The following IMPG1 variants were observed in gnomAD, a reference collection of about 807,000 sequenced individuals.
IMPG1 encodes interphotoreceptor matrix proteoglycan of 150 kDa.
A neutral mutation model predicts 92.0 loss-of-function variants in IMPG1; 85 were observed. The ratio of observed to expected loss-of-function variants is 0.92; its 90% CI spans 0.78 to 1.11. The LOEUF is 1.11. Ranked by LOEUF, IMPG1 falls within the 50% of genes least tolerant of loss-of-function variation. The probability of loss-of-function intolerance (pLI) is 0.00; values close to 1 mark genes in which losing one functional copy is unlikely to be tolerated. For synonymous variants in IMPG1, 367 were observed against 334.1 expected (o/e 1.10, Z -1.08); for missense variants, 1,022 against 956.0 (o/e 1.07, Z -0.91).
At chr6:76,040,138 G>A (rs564383957) in intron 2 of IMPG1, among the ~76,000 whole-genome samples, 5 of 152,240 alleles carry the variant, frequency 3.3e-5, no homozygotes, top group Non-Finnish European at 7.4e-5. Flanking sequence ...TTACCTAGGG[G>A]CAGCCATAAA....
At chr6:75,939,398 T>C (rs1216608192) in intron 14 of IMPG1, among the ~76,000 whole-genome samples, 2 of 151,864 alleles carry the variant, frequency 1.3e-5, no homozygotes, top group African/African-American at 4.8e-5. Flanking sequence ...CCCCTTCCTG[T>C]GTCCATGTGT....
chr6:75,969,151 G>A (rs1782360242), intron 12 of IMPG1, among the ~76,000 whole-genome samples: 1 of 152,150 alleles, frequency 6.6e-6, no homozygotes, highest in Admixed American at 6.6e-5. Flanking sequence ...AGGGGCCAGG[G>A]GGAGGGGCTG....
At chr6:76,038,466 A>G (rs1355679687) in intron 2 of IMPG1, among the ~76,000 whole-genome samples, 1 of 152,076 alleles carries the variant, frequency 6.6e-6, no homozygotes, top group Non-Finnish European at 1.5e-5. Context: ...CTCACAAGCC[A>G]GGAGGCATAG....
intron 12 of IMPG1, among the ~76,000 whole-genome samples, chr6:76,000,720 CA>C (rs1412597278): frequency 6.6e-6 from 1 of 152,114 alleles, no homozygotes; most frequent in Non-Finnish European, 1.5e-5. Context: ...CTAAATTGAT[CA>C]ATTAGGAAGT....
At chr6:76,015,904 G>C (rs1402418505) in intron 7 of IMPG1, among the ~76,000 whole-genome samples, 6 of 151,848 alleles carry the variant, frequency 4.0e-5, no homozygotes, top group African/African-American at 1.5e-4. Flanking sequence ...GGGAAAAATA[G>C]GAGGCATGAC....
intron 12 of IMPG1, among the ~76,000 whole-genome samples, chr6:75,972,358 T>A (rs1261524505): frequency 6.6e-6 from 1 of 152,152 alleles, no homozygotes; most frequent in South Asian, 2.1e-4. Flanking sequence ...CTGAGCTTTA[T>A]CAGAAAATAG....
chr6:76,008,213 C>T (rs1255736423), intron 8 of IMPG1, among the ~76,000 whole-genome samples: 1 of 152,196 alleles, frequency 6.6e-6, no homozygotes, highest in African/African-American at 2.4e-5. Flanking sequence ...GGGTTGAAAT[C>T]CTGGCCTTCC....
chr6:75,950,681 T>TG lies in IMPG1; in HGVS notation c.1704dup (p.Lys569GlnfsTer15). 1 of 1,613,876 alleles carries TG rather than the reference T, an allele frequency of 6.2e-7. No individual in the cohort carries two copies. Among genetic ancestry groups the TG allele is most frequent in the Non-Finnish European group, 8.5e-7 (1 of 1,179,862 alleles). ...AAGAACACTACCAGCTCTCGGCCCTTGGGGGCAATGGTCATAGAACTAGTG... is the reference window on the plus strand; with the variant it reads ...AAGAACACTACCAGCTCTCGGCCCTTGGGGGGCAATGGTCATAGAACTAGTG... On this transcript the variant is annotated frameshift_variant, in exon 13 of 17. Transcript: ENST00000369950. LOFTEE classifies it high-confidence loss of function.
At chr6:75,987,297 C>T (rs902028261) in intron 12 of IMPG1, among the ~76,000 whole-genome samples, 2 of 136,450 alleles carry the variant, frequency 1.5e-5, no homozygotes, top group Non-Finnish European at 3.2e-5. Context: ...GTCTGACACA[C>T]AGTCTTTTTT....
At chr6:76,070,486 A>C (rs777396971) in intron 1 of IMPG1, among the ~76,000 whole-genome samples, 1 of 152,168 alleles carries the variant, frequency 6.6e-6, no homozygotes, top group Non-Finnish European at 1.5e-5. Flanking sequence ...AAGGAAAATA[A>C]ATCATTATAT....
rs139220960 is a variant in IMPG1 at position 75,982,397 on chromosome 6, C to T, written c.1291+20521G>A. On this transcript the variant is annotated intron_variant, in intron 12 of 16. Transcript: ENST00000369950. The stretch of plus-strand genomic sequence containing the variant: ...CTCTACTAAAAGTGCAAAAATTAGC[C>T]AGGCATGGTGGCACATGTCTGTAAT... Among the ~76,000 whole-genome samples, 909 of 151,956 alleles carry T rather than the reference C, an allele frequency of 6.0e-3. 9 individuals are homozygous for T. The Middle Eastern group carries it at 0.085, about 14-fold the overall frequency.
At chr6:76,020,453 C>G (rs894373464) in intron 6 of IMPG1, among the ~76,000 whole-genome samples, 2 of 152,164 alleles carry the variant, frequency 1.3e-5, no homozygotes, top group Non-Finnish European at 2.9e-5. Context: ...GGTCTAATCT[C>G]TGATTTATCT....
At chr6:76,052,236 A>G (rs1013068260) in intron 1 of IMPG1, among the ~76,000 whole-genome samples, 4 of 152,176 alleles carry the variant, frequency 2.6e-5, no homozygotes, top group Non-Finnish European at 5.9e-5. Context: ...TAGCAGGGCC[A>G]TGTTTTCAAC....
intron 1 of IMPG1, among the ~76,000 whole-genome samples, chr6:76,063,323 G>T (rs1248402455): frequency 6.6e-6 from 1 of 152,200 alleles, no homozygotes; most frequent in African/African-American, 2.4e-5. Flanking sequence ...CAAGAGGAAA[G>T]TGCTGGAGCC....
rs571943015 is a variant in IMPG1 at position 76,023,858 on chromosome 6, C to A, written c.562+1336G>T. On this transcript the variant is annotated intron_variant, in intron 5 of 16. Transcript: ENST00000369950. The stretch of plus-strand genomic sequence containing the variant: ...AGTTTCTATCAGCTAAAGTACATTA[C>A]CTTCAAGTTTAAAGTAGAAATACAA... Among the ~76,000 whole-genome samples, 224 of 152,206 alleles carry A rather than the reference C, an allele frequency of 1.5e-3. 1 individual carries two copies. The highest frequency in any genetic ancestry group is 5.2e-3 in the African/African-American group (215 of 41,548).
chr6:75,983,778 A>C (rs184446569), intron 12 of IMPG1, among the ~76,000 whole-genome samples: 2 of 152,346 alleles, frequency 1.3e-5, no homozygotes, highest in Admixed American at 1.3e-4. Flanking sequence ...CAGAGTGAAG[A>C]TAAACCTAAG....
intron 5 of IMPG1, 67 bp downstream of exon 5, chr6:76,025,127 T>C (rs1295449477): frequency 1.1e-6 from 1 of 902,162 alleles, no homozygotes; most frequent in Non-Finnish European, 1.8e-6. Context: ...AATTGTTTTA[T>C]AAATAACATG....
At chr6:76,059,194 G>A (rs987993900) in intron 1 of IMPG1, among the ~76,000 whole-genome samples, 3 of 152,024 alleles carry the variant, frequency 2.0e-5, no homozygotes, top group South Asian at 2.1e-4. Flanking sequence ...TTGATAGTGG[G>A]GTGGAGGGAG....
chr6:75,965,663 A>G (rs1782294922), intron 12 of IMPG1, among the ~76,000 whole-genome samples: 3 of 128,058 alleles, frequency 2.3e-5, no homozygotes, highest in African/African-American at 9.2e-5. Context: ...GCTGGAGTGC[A>G]GTGTGGCCGG....
Sources: allele counts gnomAD v4.1 joint callset (sites outside exome capture counted in the v4.1 genomes callset), GRCh38; gene constraint gnomAD v4.1.1; transcripts MANE v1.5; gene names NCBI Gene and HGNC (gene_info 2026-07-23, HGNC 2026-07-21).